Variants in RTN1 observed in about 807,000 individuals in gnomAD.
RTN1 encodes the protein reticulon 1.
A neutral mutation model predicts 65.5 loss-of-function variants in RTN1; 25 were observed. That is an observed-to-expected ratio of 0.38 (90% CI 0.28 to 0.53). RTN1 has a LOEUF of 0.53. Ranked by LOEUF, RTN1 falls within the 20% of genes least tolerant of loss-of-function variation. The probability of loss-of-function intolerance (pLI) is 0.79; values close to 1 mark genes in which losing one functional copy is unlikely to be tolerated. For missense variants in RTN1, 983 were observed against 1,025.4 expected (o/e 0.96, Z 0.57); for synonymous variants, 471 against 447.6 (o/e 1.05, Z -0.66).
chr14:59,754,586 C>A (rs545881596), intron 1 of RTN1, among the ~76,000 whole-genome samples: 1 of 152,160 alleles, frequency 6.6e-6, no homozygotes, highest in South Asian at 2.1e-4. Context: ...GCAATAATAA[C>A]CCCCACCTTA....
intron 2 of RTN1, among the ~76,000 whole-genome samples, chr14:59,736,876 C>T (rs1566705055): frequency 6.6e-6 from 1 of 151,856 alleles, no homozygotes; most frequent in Non-Finnish European, 1.5e-5. Context: ...CAAATCAAAA[C>T]ATGTGATTAA....
chr14:59,870,399 C>T lies in RTN1; in HGVS notation c.232G>A (p.Ala78Thr). Reference sequence around the variant, plus strand: ...GCGGCGCCCGCCTTACCTGTGGATGCAGTTTCCATGGCAACGGGCGACTGC... The same window carrying T: ...GCGGCGCCCGCCTTACCTGTGGATGTAGTTTCCATGGCAACGGGCGACTGC... Reference protein sequence around the residue: ...ARQSPVAMETASTGVAGVSSA... With the variant: ...ARQSPVAMETTSTGVAGVSSA... Residue 78 changes from alanine to threonine, a missense_variant, in exon 1 of 9, where the codon GCA (alanine) becomes ACA (threonine). Ala to Thr is a moderately conservative substitution (Grantham distance 58, BLOSUM62 0). This residue lies in a region of RTN1 where 818 missense variants were observed against 801.8 expected (regional missense o/e 1.02). Coordinates refer to ENST00000267484, the MANE Select transcript of RTN1 (RefSeq NM_021136.3). This position sits in a 1 kb window ranked among gnomAD's most constrained non-coding sequence, Gnocchi z 5.1. The T allele has an allele frequency of 6.6e-7, 1 of 1,524,800 alleles. No homozygotes were observed. Among genetic ancestry groups the T allele is most frequent in the Non-Finnish European group, 8.7e-7 (1 of 1,148,094 alleles). 94.5% of individuals were successfully genotyped at this position (1,524,800 alleles called of 1,614,324 possible).
chr14:59,772,112 GCTA>G (rs1486177619), intron 1 of RTN1, among the ~76,000 whole-genome samples: 1 of 152,134 alleles, frequency 6.6e-6, no homozygotes, highest in Non-Finnish European at 1.5e-5. Flanking sequence ...GAGAATACAT[GCTA>G]CTGACTGAAA....
intron 3 of RTN1, among the ~76,000 whole-genome samples, chr14:59,694,050 GA>G (rs1884013546): frequency 2.0e-5 from 3 of 152,088 alleles, no homozygotes; most frequent in Non-Finnish European, 4.4e-5. Context: ...AGATGTATCT[GA>G]AAAAATGTTC....
intron 3 of RTN1, among the ~76,000 whole-genome samples, chr14:59,631,180 T>C (rs1338069621): frequency 6.6e-6 from 1 of 152,230 alleles, no homozygotes; most frequent in East Asian, 1.9e-4. Flanking sequence ...TCCAAAACCT[T>C]TGTTGGCAAG....
chr14:59,777,293 T>C (rs1886070011), intron 1 of RTN1, among the ~76,000 whole-genome samples: 2 of 152,184 alleles, frequency 1.3e-5, no homozygotes, highest in South Asian at 2.1e-4. Flanking sequence ...GTTGCTTTTG[T>C]GTTTGACTGT....
rs528830789 is a variant in RTN1, at chr14:59,836,641, G to C, written c.241+33749C>G. Among the ~76,000 whole-genome samples the C allele has an allele frequency of 2.3e-4, 35 of 152,294 alleles. 1 individual carries two copies. The South Asian group carries it at 6.2e-3, about 27-fold the overall frequency. On this transcript the variant is annotated intron_variant, in intron 1 of 8. Coordinates refer to ENST00000267484, the MANE Select transcript of RTN1 (RefSeq NM_021136.3). This position sits in a 1 kb window ranked among gnomAD's most constrained non-coding sequence, Gnocchi z 4.9. ...AGCAAAAATGCATTTTTGAGGACCA[G>C]CAAGGAATCCAGAATGACAGGGCAA...
intron 1 of RTN1, among the ~76,000 whole-genome samples, chr14:59,787,490 C>A (rs1390374865): frequency 6.6e-6 from 1 of 152,180 alleles, no homozygotes; most frequent in Non-Finnish European, 1.5e-5. Context: ...ACTTGGTCAG[C>A]GTTTATTAGA....
At chr14:59,598,388 T>A (rs960419903) in intron 8 of RTN1, among the ~76,000 whole-genome samples, 1 of 152,182 alleles carries the variant, frequency 6.6e-6, no homozygotes, top group Admixed American at 6.5e-5. Flanking sequence ...GGGGTGAGAT[T>A]GCACGATGTG....
In RTN1 at chr14:59,698,855, G is replaced by T. The variant is rs538655977; in HGVS notation, c.1765+28064C>A. ...TAAGCACTAGACTTAATGTTTATGT[G>T]CCAGATAAATTCACTACAAGGTTAC... On this transcript the variant is annotated intron_variant, in intron 3 of 8. Coordinates refer to ENST00000267484, the MANE Select transcript of RTN1 (RefSeq NM_021136.3). Among the ~76,000 whole-genome samples the T allele has an allele frequency of 9.9e-5, 15 of 152,276 alleles. No individual in the cohort carries two copies. The South Asian group carries it at 3.1e-3, about 32-fold the overall frequency.
chr14:59,806,972 T>C (rs1481952756), intron 1 of RTN1, among the ~76,000 whole-genome samples: 1 of 152,226 alleles, frequency 6.6e-6, no homozygotes, highest in Non-Finnish European at 1.5e-5. Flanking sequence ...CTCAAAAGGC[T>C]GAGAACAAAA....
chr14:59,805,040 C>CAATGTGT (rs1326448831), intron 1 of RTN1, among the ~76,000 whole-genome samples: 97 of 152,298 alleles, frequency 6.4e-4, no homozygotes, highest in Non-Finnish European at 1.2e-3. Flanking sequence ...TTCAAACACA[C>CAATGTGT]CAAACACATT....
Position 59,802,874 on chromosome 14 carries a change from A to G in RTN1, c.242-56393T>C, listed in dbSNP as rs769275910. Among the ~76,000 whole-genome samples, 73 of 152,208 alleles carry G rather than the reference A, an allele frequency of 4.8e-4. 1 individual carries two copies. The highest frequency in any genetic ancestry group is 7.5e-4 in the Non-Finnish European group (51 of 68,046). On this transcript the variant is annotated intron_variant, in intron 1 of 8. Coordinates refer to ENST00000267484, the MANE Select transcript of RTN1 (RefSeq NM_021136.3). ...TTACTAAGCCAGAGCCAGGCCAGGT[A>G]CCAGCCTTTTGCCTGTCTAAAGGTA...
At chr14:59,657,730 C>T (rs375183069) in intron 3 of RTN1, among the ~76,000 whole-genome samples, 14 of 152,314 alleles carry the variant, frequency 9.2e-5, no homozygotes, top group African/African-American at 3.1e-4. Context: ...TACACTTTTC[C>T]CATGGTCTTT....
chr14:59,777,069 G>C (rs1886065960), intron 1 of RTN1, among the ~76,000 whole-genome samples: 1 of 152,156 alleles, frequency 6.6e-6, no homozygotes, highest in Non-Finnish European at 1.5e-5. Flanking sequence ...GACTGAACAT[G>C]TCAGCATGAG....
chr14:59,815,758 G>A (rs573503008), intron 1 of RTN1, among the ~76,000 whole-genome samples: 7 of 152,084 alleles, frequency 4.6e-5, no homozygotes, highest in African/African-American at 1.7e-4. Flanking sequence ...TTCCCAACTC[G>A]GATCCTATGG....
At chr14:59,666,812 C>A (rs868178261) in intron 3 of RTN1, among the ~76,000 whole-genome samples, 20 of 151,846 alleles carry the variant, frequency 1.3e-4, no homozygotes, top group African/African-American at 4.6e-4. Flanking sequence ...ATACTAAACA[C>A]CTCTACACAA....
At chr14:59,765,992 G>A (rs940261075) in intron 1 of RTN1, among the ~76,000 whole-genome samples, 3 of 152,206 alleles carry the variant, frequency 2.0e-5, no homozygotes, top group African/African-American at 7.2e-5. Context: ...CACTTTGGGA[G>A]GCCTAGGCGG....
intron 3 of RTN1, among the ~76,000 whole-genome samples, chr14:59,671,144 T>G (rs1883494245): frequency 6.6e-6 from 1 of 152,216 alleles, no homozygotes; most frequent in African/African-American, 2.4e-5. Context: ...TGTAAGGTTT[T>G]TAAAGACAGT....
Sources: allele counts gnomAD v4.1 joint callset (sites outside exome capture counted in the v4.1 genomes callset), GRCh38; gene constraint gnomAD v4.1.1; regional missense constraint gnomAD v4.1.1; non-coding constraint Gnocchi (gnomAD v3.1); transcripts MANE v1.5; gene names NCBI Gene and HGNC (gene_info 2026-07-23, HGNC 2026-07-21).